Variants in MTCL1 observed in about 807,000 individuals in gnomAD.
MTCL1 encodes the protein microtubule crosslinking factor 1.
A neutral mutation model predicts 141.4 loss-of-function variants in MTCL1; 79 were observed. The observed-to-expected ratio is 0.56, with a 90% confidence interval of 0.47 to 0.67. The LOEUF (loss-of-function observed/expected upper bound fraction) is 0.67, where lower values mean the gene tolerates loss of function less well. Ranked by LOEUF, MTCL1 falls within the 30% of genes least tolerant of loss-of-function variation. MTCL1 has a pLI of 0.00. For missense variants in MTCL1, 2,177 were observed against 2,113.9 expected (o/e 1.03, Z -0.59); for synonymous variants, 914 against 875.8 (o/e 1.04, Z -0.77).
At chr18:8,809,334 C>T (rs941424544) in intron 11 of MTCL1, 19 of 1,309,054 alleles carry the variant, frequency 1.5e-5, no homozygotes, top group Middle Eastern at 1.9e-4. Context: ...TTTAGCATGT[C>T]CTCCGGTTAT....
At chr18:8,792,865 C>A in intron 7 of MTCL1, 133 bp from the exon 7 acceptor site, 1 of 1,275,678 alleles carries the variant, frequency 7.8e-7, no homozygotes, top group Non-Finnish European at 1.1e-6. Context: ...CACAGTCACT[C>A]CACTGCTGCA....
In MTCL1 at chr18:8,806,616, G is replaced by A. The variant is rs139747834; in HGVS notation, c.2437-277G>A. Among the ~76,000 whole-genome samples the A allele has an allele frequency of 9.9e-4, 150 of 152,246 alleles. 1 individual carries two copies. The highest frequency in any genetic ancestry group is 3.5e-3 in the African/African-American group (146 of 41,538). ...CCACAGTGCCAGCCCAGGTTCCGGC[G>A]TCTGAACACAGCTGCCAGGTCACCA... On this transcript the variant is annotated intron_variant, in intron 10 of 16. Coordinates refer to ENST00000359865, the Ensembl canonical transcript of MTCL1.
chr18:8,741,729 G>A (rs931188572), intron 4 of MTCL1, among the ~76,000 whole-genome samples: 2 of 152,196 alleles, frequency 1.3e-5, no homozygotes, highest in African/African-American at 4.8e-5. Context: ...TGTGCTTGCT[G>A]TTCGGGAGTT....
rs562134777 is a variant in MTCL1, at chr18:8,788,416, A to G, written c.1887+2325A>G. ...CGACATCAAAGAAGAAACTTTTCCA[A>G]ATTTAAGCAGAAAAAGGATTTGTTC... On this transcript the variant is annotated intron_variant, in intron 7 of 16. Coordinates refer to ENST00000359865, the Ensembl canonical transcript of MTCL1. Among the ~76,000 whole-genome samples, 9 of 152,316 alleles carry G rather than the reference A, an allele frequency of 5.9e-5. No homozygotes were observed. In the East Asian group the frequency reaches 1.2e-3, roughly 20 times the overall value.
chr18:8,720,000 A>G, intron 3 of MTCL1: 1 of 200,744 alleles, frequency 5.0e-6, no homozygotes, highest in South Asian at 1.3e-4. Flanking sequence ...GAGGAGGGTT[A>G]TCCAAAGTGG....
chr18:8,786,117 C>CCA, intron 7 of MTCL1, 26 bp downstream of exon 6: 5 of 1,394,762 alleles, frequency 3.6e-6, no homozygotes, highest in Admixed American at 2.5e-5. Context: ...CAATCCCCCC[C>CCA]CCCCGCCCTC....
intron 4 of MTCL1, among the ~76,000 whole-genome samples, chr18:8,747,579 A>G (rs1228244148): frequency 6.6e-6 from 1 of 152,210 alleles, no homozygotes; most frequent in Non-Finnish European, 1.5e-5. Context: ...TAAGGACACC[A>G]GTCATCTTGG....
At chr18:8,781,302 T>G (rs1187694159) in intron 5 of MTCL1, among the ~76,000 whole-genome samples, 1 of 152,046 alleles carries the variant, frequency 6.6e-6, no homozygotes, top group African/African-American at 2.4e-5. Flanking sequence ...TGTAGGTTCT[T>G]TCAAAAAATA....
intron 4 of MTCL1, among the ~76,000 whole-genome samples, chr18:8,736,916 AG>A (rs750687078): frequency 6.6e-6 from 1 of 152,190 alleles, no homozygotes; most frequent in Non-Finnish European, 1.5e-5. Flanking sequence ...CTAGGATTAC[AG>A]GCGTGAGCCA....
chr18:8,710,765 C>G (rs1180898222), intron 1 of MTCL1, among the ~76,000 whole-genome samples: 2 of 140,626 alleles, frequency 1.4e-5, no homozygotes, highest in Non-Finnish European at 3.0e-5. Context: ...GGGAACTAGT[C>G]TATGTTAGGC....
intron 7 of MTCL1, among the ~76,000 whole-genome samples, 171 bp from the exon 7 acceptor site, chr18:8,792,827 G>A (rs887811287): frequency 3.3e-5 from 5 of 152,230 alleles, no homozygotes; most frequent in African/African-American, 9.6e-5. Flanking sequence ...GAGCTGTGGA[G>A]TCTAGAGGGA....
exon 13 of MTCL1, chr18:8,819,029 C>A (rs371223585): frequency 1.2e-6 from 2 of 1,614,274 alleles, no homozygotes; most frequent in Non-Finnish European, 1.7e-6. Flanking sequence ...CGGCAACGTT[C>A]GCCCCTTTCC....
chr18:8,829,306 G>A, intron 16 of MTCL1: 2 of 985,432 alleles, frequency 2.0e-6, no homozygotes, highest in Non-Finnish European at 2.4e-6. Flanking sequence ...GGTCTTGCCT[G>A]AGGGGGTCTT....
At chr18:8,747,703 A>G (rs1351588136) in intron 4 of MTCL1, among the ~76,000 whole-genome samples, 1 of 152,224 alleles carries the variant, frequency 6.6e-6, no homozygotes, top group African/African-American at 2.4e-5. Flanking sequence ...TTCTTGGGGA[A>G]ATAGTTCAGC....
chr18:8,785,974 G>A (rs201941632), exon 7 of MTCL1: 80 of 1,601,132 alleles, frequency 5.0e-5, no homozygotes, highest in Middle Eastern at 2.2e-4. Flanking sequence ...AGCTCGGGCC[G>A]GCCCGAGGGG....
exon 6 of MTCL1, chr18:8,784,684 A>G (rs377495365): frequency 5.0e-6 from 8 of 1,614,064 alleles, no homozygotes; most frequent in African/African-American, 2.7e-5. Context: ...CTTTCAAGAA[A>G]GAGCTGCAGG....
chr18:8,740,712 A>T (rs1290943013), intron 4 of MTCL1, among the ~76,000 whole-genome samples: 1 of 152,104 alleles, frequency 6.6e-6, no homozygotes, highest in Non-Finnish European at 1.5e-5. Context: ...CTAACTCCTG[A>T]CTTAAGGTGA....
Position 8,764,682 on chromosome 18 carries a change from A to T in MTCL1, c.358-13151A>T, listed in dbSNP as rs373969610. On this transcript the variant is annotated intron_variant, in intron 4 of 16. Coordinates refer to ENST00000359865, the Ensembl canonical transcript of MTCL1. ...CCACAGGCTGGCTCGATATGCCTGG[A>T]TTTGGATGTGAGCATCCATGTCCTT... is the stretch of plus-strand genomic sequence containing the variant. Among the ~76,000 whole-genome samples the T allele has an allele frequency of 1.6e-3, 237 of 152,146 alleles. 2 individuals are homozygous for T. The highest frequency in any genetic ancestry group is 5.4e-3 in the African/African-American group (223 of 41,512).
intron 4 of MTCL1, among the ~76,000 whole-genome samples, chr18:8,777,238 CAAAT>C (rs2096514737): frequency 6.6e-6 from 1 of 152,086 alleles, no homozygotes; most frequent in Non-Finnish European, 1.5e-5. Context: ...GACTCCATCT[CAAAT>C]AAAAAACAAC....
Sources: gnomAD v4.1 joint callset for allele counts (sites outside exome capture counted in the v4.1 genomes callset) on GRCh38, gnomAD v4.1.1 for gene constraint, MANE v1.5 for transcripts, NCBI Gene and HGNC (gene_info 2026-07-23, HGNC 2026-07-21) for gene names.